Variants in PRDM7 observed in about 807,000 individuals in gnomAD.
The protein encoded by PRDM7 is histone-lysine N-methyltransferase PRDM7.
A neutral mutation model predicts 64.3 loss-of-function variants in PRDM7; 52 were observed. That is an observed-to-expected ratio of 0.81 (90% CI 0.65 to 1.02). The LOEUF (loss-of-function observed/expected upper bound fraction) is 1.02, where lower values mean the gene tolerates loss of function less well. Among genes scored for constraint, PRDM7 ranks in the 50% least tolerant of loss-of-function variants. The pLI is 0.00. For synonymous variants in PRDM7, 192 were observed against 210.1 expected (o/e 0.91, Z 0.74); for missense variants, 574 against 597.1 (o/e 0.96, Z 0.40).
chr16:90,076,740 G>A (rs571154168), intron 1 of PRDM7, among the ~76,000 whole-genome samples: 133 of 152,068 alleles, frequency 8.7e-4, no homozygotes, highest in African/African-American at 2.9e-3. Context: ...GGGGTTCCTC[G>A]GGATGAAAGG....
At chr16:90,062,311 G>A (rs1396840128) in intron 7 of PRDM7, 90 bp downstream of exon 7, 10 of 1,613,324 alleles carry the variant, frequency 6.2e-6, no homozygotes, top group South Asian at 2.2e-5. Flanking sequence ...TAATTCATTC[G>A]AGTAAGGGAA....
At chr16:90,072,479 T>A (rs2037975096) in intron 4 of PRDM7, among the ~76,000 whole-genome samples, 1 of 152,176 alleles carries the variant, frequency 6.6e-6, no homozygotes, top group Non-Finnish European at 1.5e-5. Flanking sequence ...AATCAGCCAG[T>A]CACAAAAAGA....
chr16:90,058,503 T>C lies in PRDM7; in HGVS notation c.1265A>G (p.His422Arg), dbSNP rs1184117124. Residue 422 changes from histidine (H) to arginine (R), a missense_variant, in exon 11 of 11, where the codon CAT (histidine) becomes CGT (arginine). Coordinates refer to ENST00000449207, the MANE Select transcript of PRDM7 (RefSeq NM_001098173.2). Reference sequence around the variant, plus strand: ...TTTGACTTGAAAAGGCCAGACAGCATGAGGGACATGGATGGATCTCTGGCT... The same window carrying C: ...TTTGACTTGAAAAGGCCAGACAGCACGAGGGACATGGATGGATCTCTGGCT... ...NQSQRSIHVP[H>R]AVWPFQVKNF... The C allele has an allele frequency of 1.2e-6, 2 of 1,614,086 alleles. No individual in the cohort carries two copies. Among genetic ancestry groups the C allele is most frequent in the Non-Finnish European group, 1.7e-6 (2 of 1,180,046 alleles).
rs138499051 is a variant in PRDM7 at position 90,061,431 on chromosome 16, T to C, written c.950+21A>G. 122 of 1,563,622 alleles carry C rather than the reference T, an allele frequency of 7.8e-5. 1 individual carries two copies. The African/African-American group carries it at 1.4e-3, about 18-fold the overall frequency. ...GAGAGATGGAGGTTCTCTCTGAAAC[T>C]AAGAGACCTAGTGGCCTTACCTCAT... On this transcript the variant is annotated intron_variant, in intron 9 of 10. Transcript: ENST00000449207.
intron 9 of PRDM7, among the ~76,000 whole-genome samples, chr16:90,060,941 C>A (rs527406643): frequency 6.6e-6 from 1 of 152,212 alleles, no homozygotes; most frequent in Non-Finnish European, 1.5e-5. Flanking sequence ...TCTAATCACC[C>A]TACAGTTCAC....
At chr16:90,064,716 T>C (rs2037843377) in intron 5 of PRDM7, among the ~76,000 whole-genome samples, 1 of 148,986 alleles carries the variant, frequency 6.7e-6, no homozygotes, top group Non-Finnish European at 1.5e-5. Flanking sequence ...ACCCAGCCCA[T>C]GCTAATTCTT....
chr16:90,066,968 T>G, intron 4 of PRDM7, 58 bp from the exon 5 acceptor site: 1 of 1,409,330 alleles, frequency 7.1e-7, no homozygotes, highest in East Asian at 2.4e-5. Flanking sequence ...ACTCTAGAGA[T>G]TTTTTTTTCT....
In PRDM7 at chr16:90,069,385, G is replaced by A. The variant is rs115974380; in HGVS notation, c.302-2475C>T. On this transcript the variant is annotated intron_variant, in intron 4 of 10. Transcript: ENST00000449207. ...AATAGATTAAAGACTGAAATGTAAG[G>A]TCTATAAGTACAGAACTTCAAGAAG... Among the ~76,000 whole-genome samples the A allele has an allele frequency of 7.6e-3, 1,151 of 151,358 alleles. 80 individuals carry two copies. The highest frequency in any genetic ancestry group is 0.027 in the African/African-American group (1,089 of 40,766).
At position 90,061,961 on chromosome 16, in the gene PRDM7, G is replaced by A. The variant is rs773931761; in HGVS notation, c.842C>T (p.Thr281Ile). The A allele has an allele frequency of 1.2e-6, 2 of 1,614,280 alleles. No homozygotes were observed. The highest frequency in any genetic ancestry group is 1.3e-5 in the African/African-American group (1 of 75,078). The stretch of plus-strand genomic sequence containing the variant: ...ACTGTTGGCTGCCTCTTCGTCTTCT[G>A]TAATTCGGCCCTCATAGGGGCCAAA... ...LHFGPYEGRITEDEEAANSGY... is the reference protein window; with the variant it reads ...LHFGPYEGRIIEDEEAANSGY... The change falls in exon 8 of 11, where the codon ACA (threonine) becomes ATA (isoleucine). Residue 281 changes from threonine (T) to isoleucine (I), a missense_variant. Physicochemically the swap from Thr to Ile is moderately conservative, Grantham distance 89 (BLOSUM62 -1). Coordinates refer to ENST00000449207, the MANE Select transcript of PRDM7 (RefSeq NM_001098173.2).
At chr16:90,059,946 C>T (rs1446518518) in intron 10 of PRDM7, among the ~76,000 whole-genome samples, 3 of 152,208 alleles carry the variant, frequency 2.0e-5, no homozygotes, top group African/African-American at 7.2e-5. Context: ...TAGGAACTCA[C>T]ATGACAGCTA....
At chr16:90,069,612 A>T (rs974212937) in intron 4 of PRDM7, among the ~76,000 whole-genome samples, 1 of 151,302 alleles carries the variant, frequency 6.6e-6, no homozygotes, top group Non-Finnish European at 1.5e-5. Flanking sequence ...CATGTATCTG[A>T]TAAAGGGTTA....
intron 4 of PRDM7, among the ~76,000 whole-genome samples, chr16:90,071,252 C>T (rs12923514): frequency 2.0e-5 from 3 of 151,958 alleles, no homozygotes; most frequent in Non-Finnish European, 4.4e-5. Context: ...CTACCTCAAC[C>T]TCCCAAGTAG....
rs75734809 is a variant in PRDM7, at chr16:90,070,114, G to A, written c.302-3204C>T. On this transcript the variant is annotated intron_variant, in intron 4 of 10. Transcript: ENST00000449207. ...AGAGTTAATATCCAGAATATATGAAGAACTCCTATAATACAACAACAAAAC... is the reference window on the plus strand; with the variant it reads ...AGAGTTAATATCCAGAATATATGAAAAACTCCTATAATACAACAACAAAAC... 1,031 of 151,298 alleles carry A rather than the reference G, an allele frequency of 6.8e-3. 77 individuals carry two copies. Among genetic ancestry groups the A allele is most frequent in the African/African-American group, 0.025 (998 of 40,166 alleles). The allele number at this position is 151,298 out of a possible 1,614,324, so 9.4% of individuals were successfully genotyped here.
chr16:90,066,584 T>G (rs1268177179), intron 5 of PRDM7, among the ~76,000 whole-genome samples: 5 of 151,226 alleles, frequency 3.3e-5, no homozygotes, highest in Admixed American at 2.0e-4. Context: ...ACCTACTTAA[T>G]AGGTACTATA....
intron 10 of PRDM7, 123 bp from the exon 11 acceptor site, chr16:90,058,657 C>G: frequency 8.2e-7 from 1 of 1,214,558 alleles, no homozygotes; most frequent in Non-Finnish European, 1.2e-6. Context: ...CTCTCTCCCA[C>G]CAAGTGCTGG....
rs1361245675 is a variant in PRDM7 at position 90,066,923 on chromosome 16, G to A, written c.302-13C>T. On this transcript the variant is annotated splice_polypyrimidine_tract_variant and intron_variant, in intron 4 of 10. Transcript: ENST00000449207. The stretch of plus-strand genomic sequence containing the variant: ...CAAGGAGGTTTGACTAAGAGGTGAT[G>A]AGAAATCAGTGGTTTGGTTGGTAAA... 1 of 1,585,348 alleles carries A rather than the reference G, an allele frequency of 6.3e-7. No homozygotes were observed. Among genetic ancestry groups the A allele is most frequent in the Non-Finnish European group, 8.6e-7 (1 of 1,156,900 alleles).
At chr16:90,062,264 C>A (rs542919543) in intron 7 of PRDM7, 72 bp from the exon 8 acceptor site, 1 of 1,613,812 alleles carries the variant, frequency 6.2e-7, no homozygotes, top group African/African-American at 1.3e-5. Flanking sequence ...TCAGAAAGAG[C>A]GTGGCACTCA....
In PRDM7 at chr16:90,058,280, T is replaced by G; in HGVS notation, c.*9A>C. On this transcript the variant is annotated 3_prime_UTR_variant, in exon 11 of 11. Coordinates refer to ENST00000449207, the MANE Select transcript of PRDM7 (RefSeq NM_001098173.2). Reference sequence around the variant, plus strand: ...GCCCTTGAAATCTCCCTCTGCCATGTCCTTTTATTCAAGAGTTTGGACCTT... The same window carrying G: ...GCCCTTGAAATCTCCCTCTGCCATGGCCTTTTATTCAAGAGTTTGGACCTT... 6.2e-7 allele frequency: 1 copy of G among 1,614,220 alleles called. No homozygotes were observed. The highest frequency in any genetic ancestry group is 2.2e-5 in the East Asian group (1 of 44,884).
chr16:90,074,813 A>G, intron 4 of PRDM7, 103 bp downstream of exon 4: 2 of 1,144,366 alleles, frequency 1.7e-6, no homozygotes, highest in Non-Finnish European at 2.5e-6. Context: ...TGGGAGGCAG[A>G]GGTTGCCGTG....
Sources: allele counts gnomAD v4.1 joint callset (sites outside exome capture counted in the v4.1 genomes callset), GRCh38; gene constraint gnomAD v4.1.1; transcripts MANE v1.5; gene names NCBI Gene and HGNC (gene_info 2026-07-23, HGNC 2026-07-21).